GYPE: variants seen among roughly 807,000 people sequenced by gnomAD.
GYPE encodes glycophorin E (MNS blood group), also known as glycophorin-E.
Under a neutral mutation model 11.6 loss-of-function variants are expected in GYPE, and 8 were observed. The ratio of observed to expected loss-of-function variants is 0.69; its 90% CI spans 0.41 to 1.25. The LOEUF is 1.25. Among genes scored for constraint, GYPE ranks in the 50% most tolerant of loss-of-function variants. The pLI is 0.01. For synonymous variants in GYPE, 28 were observed against 29.6 expected (o/e 0.94, Z 0.18); for missense variants, 90 against 92.8 (o/e 0.97, Z 0.12).
At chr4:143,891,397 C>T (rs1744399741) in intron 1 of GYPE, among the ~76,000 whole-genome samples, 2 of 146,224 alleles carry the variant, frequency 1.4e-5, no homozygotes, top group Non-Finnish European at 3.0e-5. Context: ...GGCCTGATCT[C>T]GGCTGACTGC....
At chr4:143,902,131 A>G (rs1265551114) in intron 1 of GYPE, among the ~76,000 whole-genome samples, 1 of 152,144 alleles carries the variant, frequency 6.6e-6, no homozygotes, top group African/African-American at 2.4e-5. Flanking sequence ...CTAGTCTGCC[A>G]CAAAATTCTG....
At chr4:143,873,966 G>A (rs1211051461) in intron 3 of GYPE, among the ~76,000 whole-genome samples, 1 of 151,974 alleles carries the variant, frequency 6.6e-6, no homozygotes, top group Non-Finnish European at 1.5e-5. Context: ...ACTGGAACAT[G>A]TTAGACATGC....
chr4:143,891,132 T>A (rs4835371), intron 1 of GYPE, among the ~76,000 whole-genome samples: 1 of 150,940 alleles, frequency 6.6e-6, no homozygotes, highest in Non-Finnish European at 1.5e-5. Flanking sequence ...TTGTGGGCCA[T>A]AACTACTTTA....
intron 1 of GYPE, among the ~76,000 whole-genome samples, chr4:143,895,382 A>C (rs1744588085): frequency 6.6e-6 from 1 of 152,150 alleles, no homozygotes; most frequent in Non-Finnish European, 1.5e-5. Context: ...AGAGAGCCAA[A>C]TCATGAGTGA....
chr4:143,878,185 G>C (rs1475218958), intron 2 of GYPE, among the ~76,000 whole-genome samples: 2 of 151,878 alleles, frequency 1.3e-5, no homozygotes, highest in Non-Finnish European at 2.9e-5. Flanking sequence ...GAGTACAGTG[G>C]CACAGTCATA....
rs189674318 is a variant in GYPE at position 143,873,559 on chromosome 4, A to G, written c.*10-1307T>C. 1.2e-5 allele frequency: 5 copies of G among 434,388 alleles called. No individual in the cohort carries two copies. In the East Asian group the frequency reaches 3.5e-4, roughly 30 times the overall value. The allele number at this position is 434,388 out of a possible 1,614,324, so 26.9% of individuals were successfully genotyped here. On this transcript the variant is annotated intron_variant, in intron 3 of 3. Transcript: ENST00000358615. ...AGGCTGATATAACATATTCTCTAAT[A>G]TATGATGCTCTGATAGCATTTGACA...
At position 143,876,761 on chromosome 4, in the gene GYPE, A is replaced by G. The variant is rs1743826139; in HGVS notation, c.231T>C (p.Ile77=). 1 of 1,583,610 alleles carries G rather than the reference A, an allele frequency of 6.3e-7. No homozygotes were observed. The highest frequency in any genetic ancestry group is 8.7e-7 in the Non-Finnish European group (1 of 1,153,564). The stretch of plus-strand genomic sequence containing the variant: ...GAATTCTCACCTTTATCAGTCATCG[A>G]ATACAGTAAGAAATTAAGATGATCA... ...VGMIILISYC[I]R Residue 77 remains isoleucine, a synonymous_variant, in exon 3 of 4, where the codon ATT becomes ATC. Transcript: ENST00000358615.
intron 1 of GYPE, among the ~76,000 whole-genome samples, chr4:143,891,737 A>G (rs1744415322): frequency 6.6e-6 from 1 of 152,302 alleles, no homozygotes; most frequent in Admixed American, 6.5e-5. Flanking sequence ...TGGCCCCTGT[A>G]TTAGCATAAC....
chr4:143,880,332 G>C (rs185810980), intron 2 of GYPE, 79 bp downstream of exon 2: 12 of 1,607,996 alleles, frequency 7.5e-6, no homozygotes, highest in Non-Finnish European at 8.5e-6. Context: ...TTTCTCTGCA[G>C]TGACAGGTCC....
At chr4:143,896,249 A>T (rs1744628548) in intron 1 of GYPE, among the ~76,000 whole-genome samples, 1 of 152,082 alleles carries the variant, frequency 6.6e-6, no homozygotes. Context: ...CATTTTTGCA[A>T]CCTACTCATC....
intron 2 of GYPE, among the ~76,000 whole-genome samples, chr4:143,878,984 C>A (rs1743917726): frequency 6.6e-6 from 1 of 152,088 alleles, no homozygotes. Context: ...CCACAAGAAG[C>A]AATGCATTTT....
chr4:143,880,602 T>C, intron 1 of GYPE, 93 bp from the exon 2 acceptor site: 1 of 1,594,240 alleles, frequency 6.3e-7, no homozygotes, highest in Non-Finnish European at 8.6e-7. Context: ...CTCACATCCC[T>C]CCAGTCCCTG....
At chr4:143,876,937 G>A (rs1469460645) in intron 2 of GYPE, 82 bp from the exon 3 acceptor site, 1 of 767,198 alleles carries the variant, frequency 1.3e-6, no homozygotes, top group Non-Finnish European at 2.3e-6. Flanking sequence ...GATAACATCA[G>A]CATAACATCA....
At chr4:143,874,968 A>G (rs1377528374) in intron 3 of GYPE, among the ~76,000 whole-genome samples, 3 of 152,184 alleles carry the variant, frequency 2.0e-5, no homozygotes, top group Non-Finnish European at 4.4e-5. Flanking sequence ...CCTATCAAGA[A>G]TCTGGTTTTT....
chr4:143,872,372 G>A (rs35658965), intron 3 of GYPE, 120 bp from the exon 4 acceptor site: 39,592 of 152,256 alleles, frequency 0.26, 5,375 homozygotes, highest in East Asian at 0.36. Context: ...TAGGGAATAG[G>A]AATAAGAAAT....
intron 1 of GYPE, among the ~76,000 whole-genome samples, chr4:143,897,335 T>C (rs1744690671): frequency 6.6e-6 from 1 of 151,776 alleles, no homozygotes; most frequent in Admixed American, 6.6e-5. Flanking sequence ...CAGGTGTGGT[T>C]GAGCACACCT....
At chr4:143,890,455 C>T (rs4095434) in intron 1 of GYPE, among the ~76,000 whole-genome samples, 141,251 of 152,256 alleles carry the variant, frequency 0.93, 66,474 homozygotes, top group East Asian at 1. Flanking sequence ...AAAACTTTAT[C>T]CCAAAGTTCT....
chr4:143,894,308 TTCGTCAAAG>T (rs1744537101), intron 1 of GYPE, among the ~76,000 whole-genome samples: 1 of 152,170 alleles, frequency 6.6e-6, no homozygotes, highest in Non-Finnish European at 1.5e-5. Flanking sequence ...CTTCTCTCAA[TTCGTCAAAG>T]TCATTATCCG....
intron 1 of GYPE, among the ~76,000 whole-genome samples, chr4:143,896,792 T>C (rs1744663534): frequency 6.6e-6 from 1 of 152,026 alleles, no homozygotes; most frequent in South Asian, 2.1e-4. Flanking sequence ...ATTAAGAAAA[T>C]GTGGCACATA....
Sources: allele counts gnomAD v4.1 joint callset (sites outside exome capture counted in the v4.1 genomes callset), GRCh38; gene constraint gnomAD v4.1.1; transcripts MANE v1.5; gene names NCBI Gene and HGNC (gene_info 2026-07-23, HGNC 2026-07-21).